MACF1: variants seen among roughly 807,000 people sequenced by gnomAD.
MACF1 encodes microtubule actin crosslinking factor 1, also known as microtubule-actin cross-linking factor 1.
In MACF1, 193 loss-of-function variants were observed where a neutral mutation model predicts 854.8. The ratio of observed to expected loss-of-function variants is 0.23; its 90% confidence interval spans 0.20 to 0.25. The LOEUF (loss-of-function observed/expected upper bound fraction) is 0.25, where lower values mean the gene tolerates loss of function less well. Ranked by LOEUF, MACF1 falls within the 10% of genes least tolerant of loss-of-function variation. The probability of loss-of-function intolerance (pLI) is 1.00; values close to 1 mark genes in which losing one functional copy is unlikely to be tolerated. For synonymous variants in MACF1, 3,185 were observed against 3,226.7 expected (o/e 0.99, Z 0.44); for missense variants, 7,722 against 8,929.1 (o/e 0.86, Z 5.45).
Position 39,424,177 on chromosome 1 carries a change from C to T in MACF1, c.16299C>T (p.Leu5433=). The change falls in exon 61 of 101, where the codon CTC becomes CTT. Residue 5433 remains leucine, a synonymous_variant. Coordinates refer to ENST00000564288, the MANE Select transcript of MACF1 (RefSeq NM_001394062.1). ...TTGAAAGTAGATGGACTGAACTACT[C>T]AGTAAGGCAGCAGCCAGGTAAGATC... The part of the protein sequence containing the change: ...ESLESRWTEL[L]SKAAARQKQL... The T allele has an allele frequency of 6.2e-7, 1 of 1,613,450 alleles. No individual in the cohort carries two copies. The highest frequency in any genetic ancestry group is 8.5e-7 in the Non-Finnish European group (1 of 1,179,772).
chr1:39,217,787 G>A (rs965402931), intron 1 of MACF1, among the ~76,000 whole-genome samples: 1 of 151,764 alleles, frequency 6.6e-6, no homozygotes, highest in Non-Finnish European at 1.5e-5. Flanking sequence ...GGTTGGGGGC[G>A]CGGCTGAGGA....
At chr1:39,482,429 A>T (rs1645026319) in intron 99 of MACF1, among the ~76,000 whole-genome samples, 1 of 152,252 alleles carries the variant, frequency 6.6e-6, no homozygotes, top group Non-Finnish European at 1.5e-5. Context: ...AGGTCCTGGA[A>T]AACAATTTAC....
chr1:39,143,992 G>T (rs1643406430), intron 2 of MACF1, among the ~76,000 whole-genome samples: 1 of 150,880 alleles, frequency 6.6e-6, no homozygotes, highest in Admixed American at 6.6e-5. Context: ...CTTTCACTGT[G>T]TTAGCCAGGA....
chr1:39,151,757 G>A (rs1026046648), intron 2 of MACF1, among the ~76,000 whole-genome samples: 1 of 152,036 alleles, frequency 6.6e-6, no homozygotes, highest in Non-Finnish European at 1.5e-5. Context: ...CATATTATGT[G>A]TTAGGTTACT....
rs755605915 is a variant in MACF1 at position 39,378,506 on chromosome 1, G to A, written c.13259G>A (p.Gly4420Glu). The A allele has an allele frequency of 1.2e-6, 2 of 1,613,948 alleles. No individual in the cohort carries two copies. The highest frequency in any genetic ancestry group is 1.7e-6 in the Non-Finnish European group (2 of 1,179,830). Residue 4420 changes from glycine (G) to glutamate (E), a missense_variant, in exon 53 of 101, where the codon GGA becomes GAA. Gly to Glu is a moderately conservative substitution (Grantham distance 98). Coordinates refer to ENST00000564288, the MANE Select transcript of MACF1 (RefSeq NM_001394062.1). ...GGAAGCTCTGTAGGCAGTGTAAACG[G>A]ATACCACACCTGCAAAGGTGAGAAT... is the stretch of plus-strand genomic sequence containing the variant. Reference protein sequence around the residue: ...SVGSSVGSVNGYHTCKDLTEI... With the variant: ...SVGSSVGSVNEYHTCKDLTEI...
At chr1:39,373,236 T>A (rs1649406432) in intron 52 of MACF1, 1 of 147,506 alleles carries the variant, frequency 6.8e-6, no homozygotes, top group African/African-American at 2.5e-5. Flanking sequence ...GAGCTTGCAG[T>A]GAGCCGAGAT....
intron 2 of MACF1, among the ~76,000 whole-genome samples, chr1:39,085,740 A>G (rs1427609718): frequency 6.6e-6 from 1 of 152,130 alleles, no homozygotes; most frequent in South Asian, 2.1e-4. Context: ...TTGGCCCCTC[A>G]TTGCCTGTGG....
chr1:39,393,772 G>A (rs1374373457), intron 58 of MACF1, among the ~76,000 whole-genome samples: 1 of 150,138 alleles, frequency 6.7e-6, no homozygotes, highest in Non-Finnish European at 1.5e-5. Flanking sequence ...CCATGCCACC[G>A]CAGTCCAGCG....
At chr1:39,146,589 C>T (rs1571099189) in intron 2 of MACF1, among the ~76,000 whole-genome samples, 1 of 151,892 alleles carries the variant, frequency 6.6e-6, no homozygotes, top group African/African-American at 2.4e-5. Context: ...CGAAATAAGC[C>T]AGGCACAGAA....
At chr1:39,463,225 G>T (rs770067586) in intron 93 of MACF1, among the ~76,000 whole-genome samples, 1 of 152,108 alleles carries the variant, frequency 6.6e-6, no homozygotes, top group Admixed American at 6.6e-5. Flanking sequence ...GGTGGCTCAC[G>T]CCTGTAATCC....
chr1:39,093,820 CG>C (rs1418589595), intron 2 of MACF1, among the ~76,000 whole-genome samples: 2 of 150,564 alleles, frequency 1.3e-5, no homozygotes, highest in Non-Finnish European at 3.0e-5. Flanking sequence ...CGGAGTCTTG[CG>C]CTTTTGCCTA....
At chr1:39,281,725 T>A (rs1421755926) in intron 6 of MACF1, among the ~76,000 whole-genome samples, 1 of 152,228 alleles carries the variant, frequency 6.6e-6, no homozygotes, top group Non-Finnish European at 1.5e-5. Flanking sequence ...GTGCTATGAT[T>A]TATAACCAGT....
At position 39,287,488 on chromosome 1, in the gene MACF1, G is replaced by T. The variant is rs376145097; in HGVS notation, c.1711G>T (p.Ala571Ser). 2.5e-6 allele frequency: 4 copies of T among 1,614,026 alleles called. No individual in the cohort carries two copies. Among genetic ancestry groups the T allele is most frequent in the Non-Finnish European group, 3.4e-6 (4 of 1,180,036 alleles). ...GCCTATGACTCGGGCTGAACTTGTG[G>T]CCATCAGCTCCTCTGAAGATGAAGG... is the stretch of plus-strand genomic sequence containing the variant. ...RKPMTRAELVAISSSEDEGNL... is the reference protein window; with the variant it reads ...RKPMTRAELVSISSSEDEGNL... The change falls in exon 15 of 101, where the codon GCC (alanine) becomes TCC (serine). Residue 571 changes from alanine to serine, a missense_variant. This residue lies in a region of MACF1 where 1,137 missense variants were observed against 1,263.0 expected (regional missense o/e 0.90). Coordinates refer to ENST00000564288, the MANE Select transcript of MACF1 (RefSeq NM_001394062.1).
chr1:39,361,132 T>G, intron 48 of MACF1, 131 bp downstream of exon 48: 1 of 862,576 alleles, frequency 1.2e-6, no homozygotes, highest in South Asian at 1.8e-5. Context: ...AAATGATAAC[T>G]AATCTATGTA....
chr1:39,102,916 T>C (rs1184910082), intron 2 of MACF1: 1 of 702,134 alleles, frequency 1.4e-6, no homozygotes. Context: ...CCATCCCCCC[T>C]GGCAGCCGCT....
chr1:39,319,566 G>A, intron 30 of MACF1, 98 bp from the exon 31 acceptor site: 1 of 792,596 alleles, frequency 1.3e-6, no homozygotes, highest in East Asian at 2.8e-5. Context: ...TTCTGATGCA[G>A]CTAAGGTTTG....
In MACF1 at chr1:39,223,929, A is replaced by G. The variant is rs527369516; in HGVS notation, c.110-7253A>G. ...GACACCATTGAGAAGGATGGATTACAGCAGGGATATCTGTCAGAAGCAAGG... is the reference window on the plus strand; with the variant it reads ...GACACCATTGAGAAGGATGGATTACGGCAGGGATATCTGTCAGAAGCAAGG... On this transcript the variant is annotated intron_variant, in intron 1 of 100. Transcript: ENST00000564288. Among the ~76,000 whole-genome samples, 5 of 152,328 alleles carry G rather than the reference A, an allele frequency of 3.3e-5. No homozygotes were observed. The East Asian group carries it at 9.6e-4, about 29-fold the overall frequency.
Position 39,349,520 on chromosome 1 carries a change from G to T in MACF1, c.10858G>T (p.Asp3620Tyr), listed in dbSNP as rs1463990714. ...QQNTCHQQLEDLCSWVGQAER... is the reference protein window; with the variant it reads ...QQNTCHQQLEYLCSWVGQAER... ...AAATACCTGTCACCAGCAACTGGAG[G>T]ATCTTTGCAGTTGGGTAGGACAGGC... The change falls in exon 42 of 101, where the codon GAT (aspartate) becomes TAT (tyrosine). Residue 3620 changes from aspartate to tyrosine, a missense_variant. By Grantham distance (160) the Asp-to-Tyr change is radical. Coordinates refer to ENST00000564288, the MANE Select transcript of MACF1 (RefSeq NM_001394062.1). 1.9e-6 allele frequency: 3 copies of T among 1,614,150 alleles called. No homozygotes were observed. The highest frequency in any genetic ancestry group is 1.7e-5 in the Admixed American group (1 of 60,018).
intron 52 of MACF1, chr1:39,372,874 T>G: frequency 3.3e-6 from 1 of 307,578 alleles, no homozygotes; most frequent in Non-Finnish European, 6.1e-6. Context: ...AATGAGATTT[T>G]CATCTTGAGA....
Sources: gnomAD v4.1 joint callset for allele counts (sites outside exome capture counted in the v4.1 genomes callset) on GRCh38, gnomAD v4.1.1 for gene constraint, gnomAD v4.1.1 regional missense constraint, MANE v1.5 for transcripts, NCBI Gene and HGNC (gene_info 2026-07-23, HGNC 2026-07-21) for gene names.